OPCML: variants seen among roughly 807,000 people sequenced by gnomAD.
OPCML encodes opioid-binding protein/cell adhesion molecule.
Under a neutral mutation model 37.8 loss-of-function variants are expected in OPCML, and 13 were observed. The observed-to-expected ratio is 0.34, with a 90% CI of 0.22 to 0.55. The LOEUF (loss-of-function observed/expected upper bound fraction) is 0.55, where lower values mean the gene tolerates loss of function less well. Among genes scored for constraint, OPCML ranks in the 20% least tolerant of loss-of-function variants. OPCML has a pLI of 0.91. For synonymous variants in OPCML, 176 were observed against 168.8 expected, an observed-to-expected ratio of 1.04 and a Z score of -0.33; for missense variants, 341 against 435.6, an observed-to-expected ratio of 0.78 and a Z score of 1.93.
chr11:133,092,115 C>T (rs1948915876), intron 1 of OPCML, among the ~76,000 whole-genome samples: 1 of 152,112 alleles, frequency 6.6e-6, no homozygotes, highest in South Asian at 2.1e-4. Context: ...TCTTACATTT[C>T]TTTAACCATG....
chr11:132,609,550 G>C (rs540586821), intron 3 of OPCML, among the ~76,000 whole-genome samples: 1 of 152,086 alleles, frequency 6.6e-6, no homozygotes, highest in African/African-American at 2.4e-5. Context: ...GCCTTTGCAC[G>C]GAGTGCTGTA....
chr11:133,386,381 C>T (rs751383541), intron 1 of OPCML, among the ~76,000 whole-genome samples: 3 of 152,124 alleles, frequency 2.0e-5, no homozygotes, highest in South Asian at 2.1e-4. Context: ...TTGCTTATGG[C>T]GCATTTAATA....
chr11:132,967,463 C>G (rs1946240478), intron 1 of OPCML, among the ~76,000 whole-genome samples: 1 of 152,034 alleles, frequency 6.6e-6, no homozygotes, highest in Non-Finnish European at 1.5e-5. Context: ...TATTAACCAT[C>G]TTATTTGCCA....
intron 7 of OPCML, among the ~76,000 whole-genome samples, chr11:132,425,884 T>C (rs536420030): frequency 6.6e-6 from 1 of 152,230 alleles, no homozygotes; most frequent in African/African-American, 2.4e-5. Flanking sequence ...ATTTAAGGAC[T>C]CTTTCTCTAT....
At chr11:133,050,798 C>A (rs1337075079) in intron 1 of OPCML, among the ~76,000 whole-genome samples, 1 of 151,670 alleles carries the variant, frequency 6.6e-6, no homozygotes, top group African/African-American at 2.4e-5. Context: ...TGCAACAATC[C>A]CAGAGAAAGA....
At chr11:132,444,061 G>A (rs2096045968) in intron 4 of OPCML, among the ~76,000 whole-genome samples, 1 of 152,204 alleles carries the variant, frequency 6.6e-6, no homozygotes, top group African/African-American at 2.4e-5. Context: ...GGACCCGAGA[G>A]TATGAGCTGT....
intron 1 of OPCML, among the ~76,000 whole-genome samples, chr11:133,196,578 C>T (rs1036158870): frequency 6.6e-6 from 1 of 152,308 alleles, no homozygotes; most frequent in East Asian, 1.9e-4. Context: ...TACTTTGCCC[C>T]TTAATAGCAC....
intron 3 of OPCML, among the ~76,000 whole-genome samples, chr11:132,612,053 A>G (rs1938680508): frequency 6.6e-6 from 1 of 152,208 alleles, no homozygotes; most frequent in Non-Finnish European, 1.5e-5. Context: ...ATTTCCTTCA[A>G]GTTTTTCTAT....
chr11:133,266,383 C>T (rs918032706), intron 1 of OPCML, among the ~76,000 whole-genome samples: 7 of 152,156 alleles, frequency 4.6e-5, no homozygotes, highest in Admixed American at 4.6e-4. Flanking sequence ...TCATGACTCC[C>T]ACGTATCCTT....
intron 1 of OPCML, among the ~76,000 whole-genome samples, chr11:133,214,710 A>G (rs1242156717): frequency 6.6e-6 from 1 of 152,170 alleles, no homozygotes; most frequent in Non-Finnish European, 1.5e-5. Context: ...TCTCATCATC[A>G]GTTTAAGAGA....
At chr11:132,451,762 T>C (rs776068917) in intron 4 of OPCML, among the ~76,000 whole-genome samples, 2 of 152,194 alleles carry the variant, frequency 1.3e-5, no homozygotes, top group Non-Finnish European at 2.9e-5. Context: ...GAACCTCATG[T>C]AGATTGGTGG....
intron 2 of OPCML, among the ~76,000 whole-genome samples, chr11:132,788,318 T>C (rs1228006313): frequency 2.0e-5 from 3 of 152,176 alleles, no homozygotes; most frequent in African/African-American, 4.8e-5. Flanking sequence ...TTGGAACTTA[T>C]CCTTGACACC....
chr11:132,638,583 A>G (rs746078897), intron 3 of OPCML, among the ~76,000 whole-genome samples: 1 of 152,092 alleles, frequency 6.6e-6, no homozygotes, highest in Non-Finnish European at 1.5e-5. Flanking sequence ...AACTTCCCCA[A>G]TTACTCTTAC....
chr11:133,095,515 A>G (rs1433268146), intron 1 of OPCML, among the ~76,000 whole-genome samples: 2 of 148,888 alleles, frequency 1.3e-5, no homozygotes, highest in Non-Finnish European at 3.0e-5. Flanking sequence ...GAAAGGATGG[A>G]TTTAGTACCT....
chr11:133,019,715 A>G (rs900578592), intron 1 of OPCML, among the ~76,000 whole-genome samples: 1 of 152,176 alleles, frequency 6.6e-6, no homozygotes, highest in Non-Finnish European at 1.5e-5. Flanking sequence ...TGGGCAGAGT[A>G]CCATGGAGAG....
rs938747691 is a variant in OPCML at position 133,032,542 on chromosome 11, T to C, written c.62-89532A>G. 2.0e-5 allele frequency among the ~76,000 whole-genome samples: 3 copies of C among 152,316 alleles called. No individual in the cohort carries two copies. In the East Asian group the frequency reaches 5.8e-4, roughly 29 times the overall value. On this transcript the variant is annotated intron_variant, in intron 1 of 7. Coordinates refer to ENST00000524381, the MANE Select transcript of OPCML (RefSeq NM_001012393.5). ...GGACATTGATGCCTCAAATGTACGA[T>C]AGAATCTGGGTAACAAGTCTAGAAC...
At chr11:133,426,590 C>A (rs1422851767) in intron 1 of OPCML, among the ~76,000 whole-genome samples, 1 of 152,114 alleles carries the variant, frequency 6.6e-6, no homozygotes, top group Non-Finnish European at 1.5e-5. Context: ...CTGCCCCAGG[C>A]CCCCGACGCC....
chr11:133,504,380 C>T (rs761653854), intron 1 of OPCML, among the ~76,000 whole-genome samples: 4 of 152,070 alleles, frequency 2.6e-5, no homozygotes, highest in Admixed American at 6.5e-5. Context: ...TCTGTCTGAC[C>T]CTTCACAAAA....
intron 2 of OPCML, among the ~76,000 whole-genome samples, chr11:132,767,221 CA>C (rs1347595610): frequency 6.6e-6 from 1 of 152,124 alleles, no homozygotes; most frequent in Non-Finnish European, 1.5e-5. Flanking sequence ...AGACTATTTA[CA>C]GTTACAAGAG....
Sources: gnomAD v4.1 joint callset for allele counts (sites outside exome capture counted in the v4.1 genomes callset) on GRCh38, gnomAD v4.1.1 for gene constraint, MANE v1.5 for transcripts, NCBI Gene and HGNC (gene_info 2026-07-23, HGNC 2026-07-21) for gene names.